TLK2: variants seen among roughly 807,000 people sequenced by gnomAD.
TLK2 encodes the protein tousled like kinase 2.
Under a neutral mutation model 117.3 loss-of-function variants are expected in TLK2, and 6 were observed. That is an observed-to-expected ratio of 0.05 (90% CI 0.03 to 0.10). The LOEUF (loss-of-function observed/expected upper bound fraction) is 0.10. Ranked by LOEUF, TLK2 falls within the 10% of genes least tolerant of loss-of-function variation. The pLI is 1.00. For missense variants in TLK2, 299 were observed against 901.2 expected, an observed-to-expected ratio of 0.33 and a Z score of 8.56; for synonymous variants, 257 against 316.7, an observed-to-expected ratio of 0.81 and a Z score of 2.00.
At chr17:62,503,748 G>T in intron 2 of TLK2, among the ~76,000 whole-genome samples, 2 of 120,390 alleles carry the variant, frequency 1.7e-5, no homozygotes, top group Non-Finnish European at 3.4e-5. Context: ...TTTTTTTTGA[G>T]ACAGAGTTTC....
At chr17:62,548,668 G>A (rs181898923) in intron 7 of TLK2, among the ~76,000 whole-genome samples, 4 of 152,166 alleles carry the variant, frequency 2.6e-5, no homozygotes, top group East Asian at 1.9e-4. Flanking sequence ...TCAGATATAA[G>A]CATATTTAAA....
chr17:62,602,002 A>C lies in TLK2; in HGVS notation c.1721-40A>C, dbSNP rs1306676733. On this transcript the variant is annotated intron_variant, in intron 18 of 21. Coordinates refer to ENST00000346027, the MANE Select transcript of TLK2 (RefSeq NM_006852.6). ...TTACTTTGGGTTTTTCTCTTAAATC[A>C]GTAAGTCTCTGCTTATTCATGAAGG... 3 of 1,581,958 alleles carry C rather than the reference A, an allele frequency of 1.9e-6. No individual in the cohort carries two copies. The South Asian group carries it at 3.5e-5, about 18-fold the overall frequency.
rs750973815 is a variant in TLK2, at chr17:62,614,620, T to G, written c.*2055T>G. On this transcript the variant is annotated 3_prime_UTR_variant, in exon 22 of 22. Transcript: ENST00000346027. Reference sequence around the variant, plus strand: ...TTCAAATTGGAGAGAAGTTCATGGGTAGGTATCGTCCTGTGGAATTCTGAA... The same window carrying G: ...TTCAAATTGGAGAGAAGTTCATGGGGAGGTATCGTCCTGTGGAATTCTGAA... 3 of 152,158 alleles carry G rather than the reference T, an allele frequency of 2.0e-5. No homozygotes were observed. The highest frequency in any genetic ancestry group is 2.9e-5 in the Non-Finnish European group (2 of 68,018). 9.4% of individuals were successfully genotyped at this position (152,158 alleles called of 1,614,324 possible). A position where few individuals can be genotyped will look rare whatever the true frequency, so the allele number is the denominator to read the frequency against.
intron 16 of TLK2, among the ~76,000 whole-genome samples, chr17:62,590,673 C>T (rs2082009532): frequency 6.6e-6 from 1 of 152,124 alleles, no homozygotes. Context: ...GAGATAGGGT[C>T]TCACTATGTT....
chr17:62,605,563 G>A lies in TLK2; in HGVS notation c.1860-567G>A, dbSNP rs113688578. 2.7e-3 allele frequency among the ~76,000 whole-genome samples: 410 copies of A among 152,162 alleles called. 1 individual carries two copies. The highest frequency in any genetic ancestry group is 9.1e-3 in the African/African-American group (380 of 41,532). ...AATTTTTGTATTTTTAGTAGAGATAGGGTTTCGCCATGTTGCCCAGGCTGG... is the reference window on the plus strand; with the variant it reads ...AATTTTTGTATTTTTAGTAGAGATAAGGTTTCGCCATGTTGCCCAGGCTGG... On this transcript the variant is annotated intron_variant, in intron 19 of 21. Transcript: ENST00000346027.
At chr17:62,558,267 T>A (rs1298305876) in intron 9 of TLK2, among the ~76,000 whole-genome samples, 1 of 151,670 alleles carries the variant, frequency 6.6e-6, no homozygotes, top group Non-Finnish European at 1.5e-5. Context: ...CCTCCCAGGC[T>A]CAAGCAATCC....
At chr17:62,557,143 T>C (rs1488367449) in intron 9 of TLK2, among the ~76,000 whole-genome samples, 1 of 152,186 alleles carries the variant, frequency 6.6e-6, no homozygotes, top group Non-Finnish European at 1.5e-5. Flanking sequence ...CAGGCTGGTC[T>C]TGAACTCTTG....
chr17:62,487,592 A>G (rs1183446319), intron 2 of TLK2, among the ~76,000 whole-genome samples: 1 of 147,386 alleles, frequency 6.8e-6, no homozygotes, highest in African/African-American at 2.5e-5. Flanking sequence ...ATCTGCAGGA[A>G]TTCTTTACTT....
At chr17:62,502,520 A>G (rs576872753) in intron 2 of TLK2, among the ~76,000 whole-genome samples, 1 of 152,336 alleles carries the variant, frequency 6.6e-6, no homozygotes, top group Non-Finnish European at 1.5e-5. Flanking sequence ...TCTATTAAAC[A>G]TGTTCCAAAG....
At chr17:62,499,418 G>A (rs1567797358) in intron 2 of TLK2, among the ~76,000 whole-genome samples, 1 of 152,022 alleles carries the variant, frequency 6.6e-6, no homozygotes, top group East Asian at 1.9e-4. Flanking sequence ...GCCCACCTCA[G>A]CCTCCCGGAG....
intron 7 of TLK2, among the ~76,000 whole-genome samples, chr17:62,545,125 C>G (rs2077806656): frequency 6.6e-6 from 1 of 152,086 alleles, no homozygotes; most frequent in South Asian, 2.1e-4. Flanking sequence ...CTCCCGGGTT[C>G]AAGCGATTCT....
chr17:62,492,433 G>A (rs539181911), intron 2 of TLK2, among the ~76,000 whole-genome samples: 10 of 152,086 alleles, frequency 6.6e-5, no homozygotes, highest in Admixed American at 3.9e-4. Context: ...CTAGATGAGG[G>A]AGATAGAGAT....
chr17:62,530,521 G>A (rs2076671709), intron 6 of TLK2, among the ~76,000 whole-genome samples: 1 of 152,132 alleles, frequency 6.6e-6, no homozygotes, highest in South Asian at 2.1e-4. Context: ...AAAATTTGAA[G>A]TCAGTTGTAT....
At chr17:62,522,814 C>G (rs1309314843) in intron 4 of TLK2, among the ~76,000 whole-genome samples, 3 of 152,136 alleles carry the variant, frequency 2.0e-5, no homozygotes, top group Admixed American at 2.0e-4. Context: ...AAAGCCCAGT[C>G]TTGTTGCATC....
intron 16 of TLK2, among the ~76,000 whole-genome samples, chr17:62,595,614 G>T (rs1015809174): frequency 1.7e-4 from 25 of 151,238 alleles, no homozygotes; most frequent in African/African-American, 5.8e-4. Context: ...TACTCTTATG[G>T]GACCCCGTCA....
chr17:62,568,836 T>A (rs1379399081), intron 11 of TLK2, among the ~76,000 whole-genome samples: 1 of 151,844 alleles, frequency 6.6e-6, no homozygotes, highest in African/African-American at 2.4e-5. Flanking sequence ...CCACCCACCT[T>A]GTCCTCCCAA....
At chr17:62,577,043 A>T (rs1347159656) in intron 13 of TLK2, among the ~76,000 whole-genome samples, 4 of 138,748 alleles carry the variant, frequency 2.9e-5, no homozygotes, top group African/African-American at 1.0e-4. Context: ...GCTCACTGCA[A>T]CCTCCACCTC....
At chr17:62,475,029 G>C (rs1284367909), upstream of TLK2, among the ~76,000 whole-genome samples, 1 of 152,114 alleles carries the variant, frequency 6.6e-6, no homozygotes, top group Non-Finnish European at 1.5e-5. Context: ...CTGGGCGATA[G>C]AGCCAAACTT....
chr17:62,496,161 A>G (rs1364567114), intron 2 of TLK2, among the ~76,000 whole-genome samples: 3 of 152,168 alleles, frequency 2.0e-5, no homozygotes, highest in Non-Finnish European at 4.4e-5. Context: ...CCATTTTTAA[A>G]AAATGCAAGT....
Sources: allele counts gnomAD v4.1 joint callset (sites outside exome capture counted in the v4.1 genomes callset), GRCh38; gene constraint gnomAD v4.1.1; transcripts MANE v1.5; gene names NCBI Gene and HGNC (gene_info 2026-07-23, HGNC 2026-07-21).